TMC7: variants seen among roughly 807,000 people sequenced by gnomAD.
TMC7 encodes the protein transmembrane channel like 7.
TMC7 carries 54 observed loss-of-function variants against 82.9 expected under a neutral mutation model. That is an observed-to-expected ratio of 0.65 (90% CI 0.52 to 0.82). The LOEUF (loss-of-function observed/expected upper bound fraction) is 0.82. Among genes scored for constraint, TMC7 ranks in the 40% least tolerant of loss-of-function variants. The pLI is 0.00. For synonymous variants in TMC7, 350 were observed against 337.9 expected, an observed-to-expected ratio of 1.04 and a Z score of -0.39; for missense variants, 820 against 901.2, an observed-to-expected ratio of 0.91 and a Z score of 1.15.
chr16:18,991,728 C>T (rs1464313566), intron 1 of TMC7, among the ~76,000 whole-genome samples: 2 of 152,022 alleles, frequency 1.3e-5, no homozygotes, highest in Non-Finnish European at 2.9e-5. Context: ...AATGCTATCC[C>T]TCCCCCGTCC....
At chr16:19,039,948 T>C (rs569897538) in intron 8 of TMC7, among the ~76,000 whole-genome samples, 1 of 151,936 alleles carries the variant, frequency 6.6e-6, no homozygotes, top group South Asian at 2.1e-4. Flanking sequence ...ACACCCTGTC[T>C]TTACTAAAAA....
chr16:19,002,789 G>C (rs556043186), intron 1 of TMC7, among the ~76,000 whole-genome samples: 4 of 152,222 alleles, frequency 2.6e-5, no homozygotes, highest in African/African-American at 7.2e-5. Flanking sequence ...ACCTGCTCCT[G>C]TGCAGATGGT....
intron 11 of TMC7, 85 bp downstream of exon 11, chr16:19,045,523 A>T: frequency 1.1e-6 from 1 of 941,356 alleles, no homozygotes; most frequent in Non-Finnish European, 1.7e-6. Context: ...GGAGGGTCCC[A>T]TTGCAGCTGC....
At chr16:19,061,689 G>A (rs1962018553) in intron 15 of TMC7, 89 bp from the exon 16 acceptor site, 1 of 1,119,834 alleles carries the variant, frequency 8.9e-7, no homozygotes, top group South Asian at 1.5e-5. Flanking sequence ...TAGTCCAGTG[G>A]TTAGAATCCT....
At chr16:19,038,207 T>G (rs1359242511) in intron 8 of TMC7, among the ~76,000 whole-genome samples, 160 bp downstream of exon 8, 3 of 152,178 alleles carry the variant, frequency 2.0e-5, no homozygotes, top group Non-Finnish European at 4.4e-5. Flanking sequence ...TTTTTTATTT[T>G]TTTTTGAGAT....
intron 2 of TMC7, 105 bp from the exon 3 acceptor site, chr16:19,016,345 C>T: frequency 7.1e-7 from 1 of 1,408,842 alleles, no homozygotes; most frequent in Non-Finnish European, 9.7e-7. Context: ...CTGCCTCGGC[C>T]TCCCAGAGTG....
intron 2 of TMC7, among the ~76,000 whole-genome samples, chr16:19,011,356 C>A (rs944783782): frequency 6.6e-6 from 1 of 151,958 alleles, no homozygotes; most frequent in African/African-American, 2.4e-5. Flanking sequence ...TACTGCCCCC[C>A]ACAGGGTCAG....
At chr16:19,020,907 G>A (rs1959941040) in intron 3 of TMC7, among the ~76,000 whole-genome samples, 2 of 149,950 alleles carry the variant, frequency 1.3e-5, no homozygotes, top group South Asian at 2.1e-4. Context: ...AGATATCTAG[G>A]AATATATCTA....
chr16:18,994,644 G>A (rs943851654), intron 1 of TMC7, among the ~76,000 whole-genome samples: 3 of 152,068 alleles, frequency 2.0e-5, no homozygotes, highest in Non-Finnish European at 4.4e-5. Flanking sequence ...AGAATGGGTT[G>A]TGGAGGGAGG....
chr16:19,041,869 C>T (rs1961030272), intron 9 of TMC7, among the ~76,000 whole-genome samples: 1 of 151,314 alleles, frequency 6.6e-6, no homozygotes, highest in Admixed American at 6.6e-5. Flanking sequence ...CAGAGTTTCC[C>T]CTCCCCTTTT....
Position 18,984,014 on chromosome 16 carries a change from G to T in TMC7, c.-50G>T, listed in dbSNP as rs1214796536. 7 of 1,377,140 alleles carry T rather than the reference G, an allele frequency of 5.1e-6. No individual in the cohort carries two copies. Among genetic ancestry groups the T allele is most frequent in the Non-Finnish European group, 6.5e-6 (7 of 1,072,592 alleles). The allele number at this position is 1,377,140 out of a possible 1,614,324, so 85.3% of individuals were successfully genotyped here. A position where few individuals can be genotyped will look rare whatever the true frequency, so the allele number is the denominator to read the frequency against. ...AGGCCGGGGAGGCGGCGGCGGCGGCGGCGGCTGGAGAGGGTCCTCGGCAGC... is the reference window on the plus strand; with the variant it reads ...AGGCCGGGGAGGCGGCGGCGGCGGCTGCGGCTGGAGAGGGTCCTCGGCAGC... On this transcript the variant is annotated 5_prime_UTR_variant, in exon 1 of 16. Transcript: ENST00000304381.
At chr16:19,009,523 T>A in intron 2 of TMC7, 108 bp downstream of exon 2, 1 of 1,399,154 alleles carries the variant, frequency 7.1e-7, no homozygotes, top group Non-Finnish European at 9.6e-7. Flanking sequence ...AAAATTTTAT[T>A]CCTTAGGGTA....
rs1442183973 is a variant in TMC7, at chr16:18,998,747, C to G, written c.68-10425C>G. On this transcript the variant is annotated intron_variant, in intron 1 of 15. Transcript: ENST00000304381. ...CCAGCCTGGGTGACAGAGTGAGACT[C>G]TGTCTCAAAAAAAAAAAAAGAAAAG... 4.2e-5 allele frequency among the ~76,000 whole-genome samples: 3 copies of G among 72,028 alleles called. No homozygotes were observed. In the East Asian group the frequency reaches 1.1e-3, roughly 27 times the overall value. The allele number at this position is 72,028 out of a possible 152,430, so 47.3% of individuals were successfully genotyped here. A position where few individuals can be genotyped will look rare whatever the true frequency, so the allele number is the denominator to read the frequency against.
rs1370316686 is a variant in TMC7 at position 19,021,601 on chromosome 16, C to T, written c.461-28C>T. ...TGTGTAGTGTATCAATATCCCTGGTCAGTGATGTCCGGGTTTGTTTTTTCC... is the reference window on the plus strand; with the variant it reads ...TGTGTAGTGTATCAATATCCCTGGTTAGTGATGTCCGGGTTTGTTTTTTCC... On this transcript the variant is annotated intron_variant, in intron 3 of 15. Transcript: ENST00000304381. The T allele has an allele frequency of 2.5e-6, 4 of 1,612,212 alleles. No homozygotes were observed. The African/African-American group carries it at 5.3e-5, about 22-fold the overall frequency.
intron 12 of TMC7, among the ~76,000 whole-genome samples, chr16:19,051,409 C>A (rs1034405700): frequency 6.7e-6 from 1 of 149,594 alleles, no homozygotes; most frequent in Non-Finnish European, 1.5e-5. Flanking sequence ...CCCCTCCCCC[C>A]ACACCACAAC....
chr16:18,999,289 T>G (rs924474941), intron 1 of TMC7, among the ~76,000 whole-genome samples: 1 of 152,232 alleles, frequency 6.6e-6, no homozygotes, highest in Non-Finnish European at 1.5e-5. Flanking sequence ...CATGAGCCAC[T>G]GCATCCAGCC....
chr16:18,999,521 A>G (rs1382486673), intron 1 of TMC7, among the ~76,000 whole-genome samples: 2 of 152,240 alleles, frequency 1.3e-5, no homozygotes. Context: ...GTTTCGTAAA[A>G]GCAGGGAAAT....
intron 1 of TMC7, among the ~76,000 whole-genome samples, chr16:19,005,448 C>T (rs1332776927): frequency 6.6e-6 from 1 of 152,170 alleles, no homozygotes; most frequent in Non-Finnish European, 1.5e-5. Flanking sequence ...TAAATCTTAG[C>T]CAGTGTTGTT....
intron 3 of TMC7, among the ~76,000 whole-genome samples, chr16:19,020,256 C>G (rs955320344): frequency 1.3e-5 from 2 of 152,232 alleles, no homozygotes; most frequent in Non-Finnish European, 1.5e-5. Context: ...ATATTGAAAG[C>G]TCTTTCCTTG....
Sources: gnomAD v4.1 joint callset for allele counts (sites outside exome capture counted in the v4.1 genomes callset) on GRCh38, gnomAD v4.1.1 for gene constraint, MANE v1.5 for transcripts, NCBI Gene and HGNC (gene_info 2026-07-23, HGNC 2026-07-21) for gene names.